The following NUP155 variants were observed in gnomAD, a reference collection of about 807,000 sequenced individuals.
NUP155 encodes nucleoporin 155.
A neutral mutation model predicts 180.4 loss-of-function variants in NUP155; 71 were observed. The observed-to-expected ratio is 0.39, with a 90% CI of 0.33 to 0.48. NUP155 has a LOEUF of 0.48. Among genes scored for constraint, NUP155 ranks in the 20% least tolerant of loss-of-function variants. NUP155 has a pLI of 0.91. For missense variants in NUP155, 1,553 were observed against 1,648.9 expected, an observed-to-expected ratio of 0.94 and a Z score of 1.01; for synonymous variants, 582 against 559.5, an observed-to-expected ratio of 1.04 and a Z score of -0.57.
At chr5:37,320,636 T>C (rs1355239645) in intron 20 of NUP155, among the ~76,000 whole-genome samples, 1 of 152,032 alleles carries the variant, frequency 6.6e-6, no homozygotes, top group Admixed American at 6.6e-5. Flanking sequence ...GAAAAAAACA[T>C]CCTGCTAAAA....
chr5:37,292,905 A>T lies in NUP155; in HGVS notation c.4011T>A (p.Asn1337Lys). Reference protein sequence around the residue: ...IHVLLIRYVENPSQVLNCERR... With the variant: ...IHVLLIRYVEKPSQVLNCERR... ...TTTCACAATTTAAAACTTGGCTGGG[A>T]TTCTCAACATATCTTATCAATAATA... is the stretch of plus-strand genomic sequence containing the variant. The change falls in exon 34 of 35, where the codon AAT becomes AAA. Residue 1337 changes from asparagine (N) to lysine (K), a missense_variant. Transcript: ENST00000231498. 1 of 1,611,084 alleles carries T rather than the reference A, an allele frequency of 6.2e-7. No individual in the cohort carries two copies. The highest frequency in any genetic ancestry group is 8.5e-7 in the Non-Finnish European group (1 of 1,177,716).
At chr5:37,321,924 G>A (rs1021284290) in intron 20 of NUP155, among the ~76,000 whole-genome samples, 8 of 151,778 alleles carry the variant, frequency 5.3e-5, no homozygotes, top group Non-Finnish European at 7.4e-5. Flanking sequence ...GGCACGATCT[G>A]GGCTCACCGC....
At chr5:37,310,437 T>C (rs1743452826) in intron 23 of NUP155, 115 bp downstream of exon 23, 1 of 759,036 alleles carries the variant, frequency 1.3e-6, no homozygotes, top group Non-Finnish European at 2.2e-6. Flanking sequence ...ATTCTGAGGC[T>C]AGGAGAGGTT....
chr5:37,308,049 C>T (rs1743278296), intron 24 of NUP155, among the ~76,000 whole-genome samples: 1 of 151,198 alleles, frequency 6.6e-6, no homozygotes, highest in Non-Finnish European at 1.5e-5. Context: ...GAAAAAAATA[C>T]CTTGGGATTC....
chr5:37,307,240 T>C, intron 25 of NUP155, 57 bp downstream of exon 25: 2 of 1,543,694 alleles, frequency 1.3e-6, no homozygotes, highest in East Asian at 2.2e-5. Flanking sequence ...AAAAACATTA[T>C]GCAAAGAAAA....
intron 25 of NUP155, among the ~76,000 whole-genome samples, chr5:37,306,629 G>A (rs765725278): frequency 6.6e-6 from 1 of 151,750 alleles, no homozygotes; most frequent in Non-Finnish European, 1.5e-5. Flanking sequence ...CACCACGCCT[G>A]GCTAATTTTT....
In NUP155 at chr5:37,333,477, G is replaced by A. The variant is rs752044752; in HGVS notation, c.1504C>T (p.Leu502Phe). 1 of 1,614,014 alleles carries A rather than the reference G, an allele frequency of 6.2e-7. No homozygotes were observed. The highest frequency in any genetic ancestry group is 8.5e-7 in the Non-Finnish European group (1 of 1,179,870). ...QHMLPPKKFV[L>F]LSAQGSLMFH... Reference sequence around the variant, plus strand: ...TACGTACACACCTGTGCTGAGAGGAGAACAAATTTCTTCGGAGGTAACATG... The same window carrying A: ...TACGTACACACCTGTGCTGAGAGGAAAACAAATTTCTTCGGAGGTAACATG... Residue 502 changes from leucine (L) to phenylalanine (F), a missense_variant, in exon 13 of 35, where the codon CTC (leucine) becomes TTC (phenylalanine). Transcript: ENST00000231498.
intron 20 of NUP155, among the ~76,000 whole-genome samples, chr5:37,320,864 A>G (rs1442436955): frequency 6.6e-6 from 1 of 152,208 alleles, no homozygotes; most frequent in Admixed American, 6.5e-5. Context: ...AGAGTTTGTT[A>G]AATTATTAAT....
At position 37,292,984 on chromosome 5, in the gene NUP155, T is replaced by G. The variant is rs1742314930; in HGVS notation, c.3932A>C (p.Asp1311Ala). 1 of 1,576,090 alleles carries G rather than the reference T, an allele frequency of 6.3e-7. No individual in the cohort carries two copies. Among genetic ancestry groups the G allele is most frequent in the African/African-American group, 1.3e-5 (1 of 74,192 alleles). The change falls in exon 34 of 35, where the codon GAT becomes GCT. Residue 1311 changes from aspartate to alanine, a missense_variant and splice_region_variant. Transcript: ENST00000231498. ...CTTCTTCATTCTGTTCCAGAATGGA[T>G]CCTATGAAGAAATATACATAATGAA... is the stretch of plus-strand genomic sequence containing the variant. ...EVYDQLFKSRDPFWNRMKKPL... is the reference protein window; with the variant it reads ...EVYDQLFKSRAPFWNRMKKPL...
At chr5:37,321,225 A>G (rs1166750351) in intron 20 of NUP155, among the ~76,000 whole-genome samples, 1 of 152,216 alleles carries the variant, frequency 6.6e-6, no homozygotes, top group African/African-American at 2.4e-5. Context: ...GTGGGGCTGT[A>G]GTCTCAGCTA....
Position 37,302,925 on chromosome 5 carries a change from T to C in NUP155, c.3318-17A>G. The C allele has an allele frequency of 6.2e-7, 1 of 1,613,486 alleles. No individual in the cohort carries two copies. The highest frequency in any genetic ancestry group is 2.2e-5 in the East Asian group (1 of 44,860). ...ATTTCTGTGCTAGAAGGGAAAACGC[T>C]TATTTTTAGTTACACAATTTCTTAA... On this transcript the variant is annotated splice_polypyrimidine_tract_variant and intron_variant, in intron 28 of 34. Transcript: ENST00000231498.
intron 23 of NUP155, chr5:37,309,476 A>C: frequency 1.9e-6 from 1 of 527,484 alleles, no homozygotes; most frequent in East Asian, 3.4e-5. Flanking sequence ...CAAATATGTT[A>C]AGCAAGAGAA....
intron 29 of NUP155, among the ~76,000 whole-genome samples, chr5:37,301,799 A>G (rs564764945): frequency 6.6e-6 from 1 of 152,314 alleles, no homozygotes; most frequent in South Asian, 2.1e-4. Context: ...AAATGGTTAG[A>G]CTATACAGCT....
intron 20 of NUP155, among the ~76,000 whole-genome samples, chr5:37,318,652 C>CAA (rs1744057609): frequency 6.6e-6 from 1 of 151,922 alleles, no homozygotes; most frequent in Non-Finnish European, 1.5e-5. Flanking sequence ...ACGTGAAAGC[C>CAA]AAAACACTTC....
chr5:37,295,380 G>C (rs1193442503), intron 32 of NUP155, among the ~76,000 whole-genome samples: 1 of 152,106 alleles, frequency 6.6e-6, no homozygotes. Context: ...GTGCAGTGGC[G>C]TGATCTCGGC....
chr5:37,340,224 T>C (rs1318547682), intron 11 of NUP155, among the ~76,000 whole-genome samples: 8 of 152,088 alleles, frequency 5.3e-5, no homozygotes, highest in Admixed American at 5.2e-4. Context: ...ACGGATCACT[T>C]GAGCTCAGGA....
chr5:37,351,625 A>G (rs1186825166), intron 5 of NUP155, among the ~76,000 whole-genome samples: 9 of 150,734 alleles, frequency 6.0e-5, no homozygotes, highest in African/African-American at 1.9e-4. Context: ...TTTTTTTTGT[A>G]TTTTTAGTAG....
Position 37,305,169 on chromosome 5 carries a change from A to C in NUP155, c.2945T>G (p.Leu982Arg). Residue 982 changes from leucine (L) to arginine (R), a missense_variant, in exon 26 of 35, where the codon CTG becomes CGG. Coordinates refer to ENST00000231498, the MANE Select transcript of NUP155 (RefSeq NM_153485.3). Reference protein sequence around the residue: ...YKCITDTLQELVNQSKAAPQS... With the variant: ...YKCITDTLQERVNQSKAAPQS... Reference sequence around the variant, plus strand: ...AGGAGCGGCCTTACTTTGATTTACCAGTTCTTGAAGTGTGTCTGTAATGCA... The same window carrying C: ...AGGAGCGGCCTTACTTTGATTTACCCGTTCTTGAAGTGTGTCTGTAATGCA... The C allele has an allele frequency of 6.2e-7, 1 of 1,613,686 alleles. No individual in the cohort carries two copies. Among genetic ancestry groups the C allele is most frequent in the Non-Finnish European group, 8.5e-7 (1 of 1,179,830 alleles).
At chr5:37,315,867 G>A (rs1479555724) in intron 21 of NUP155, among the ~76,000 whole-genome samples, 1 of 152,210 alleles carries the variant, frequency 6.6e-6, no homozygotes, top group Non-Finnish European at 1.5e-5. Flanking sequence ...TTGAACCTGG[G>A]AGGTGGAGGC....
Sources: gnomAD v4.1 joint callset for allele counts (sites outside exome capture counted in the v4.1 genomes callset) on GRCh38, gnomAD v4.1.1 for gene constraint, MANE v1.5 for transcripts, NCBI Gene and HGNC (gene_info 2026-07-23, HGNC 2026-07-21) for gene names.